MAPK10: variants seen among roughly 807,000 people sequenced by gnomAD.
MAPK10 encodes the protein JNK3 alpha protein kinase.
A neutral mutation model predicts 59.3 loss-of-function variants in MAPK10; 25 were observed. The observed-to-expected ratio is 0.42, with a 90% confidence interval of 0.31 to 0.59. The LOEUF (loss-of-function observed/expected upper bound fraction) is 0.59, where lower values mean the gene tolerates loss of function less well. Ranked by LOEUF, MAPK10 falls within the 20% of genes least tolerant of loss-of-function variation. The pLI, the probability that MAPK10 is intolerant of heterozygous loss-of-function variation, is 0.15. For missense variants in MAPK10, 351 were observed against 568.9 expected, an observed-to-expected ratio of 0.62 and a Z score of 3.90; for synonymous variants, 190 against 200.5, an observed-to-expected ratio of 0.95 and a Z score of 0.44.
intron 1 of MAPK10, among the ~76,000 whole-genome samples, chr4:86,519,732 A>C (rs779659230): frequency 1.3e-5 from 2 of 152,104 alleles, no homozygotes; most frequent in African/African-American, 2.4e-5. Flanking sequence ...TGCTTTAAAG[A>C]AGTTCCATTT....
chr4:86,132,414 T>A (rs1437262669), intron 4 of MAPK10, among the ~76,000 whole-genome samples: 2 of 152,224 alleles, frequency 1.3e-5, no homozygotes, highest in East Asian at 3.8e-4. Flanking sequence ...TAACAGGTCA[T>A]GTGCCTTTGA....
At chr4:86,058,905 C>T (rs757938673) in intron 11 of MAPK10, among the ~76,000 whole-genome samples, 22 of 152,094 alleles carry the variant, frequency 1.4e-4, no homozygotes, top group Non-Finnish European at 3.1e-4. Flanking sequence ...CTTCTGATCC[C>T]ATCTAGCTCT....
chr4:86,533,433 A>C (rs1757987108), intron 1 of MAPK10, among the ~76,000 whole-genome samples: 1 of 152,226 alleles, frequency 6.6e-6, no homozygotes, highest in Non-Finnish European at 1.5e-5. Flanking sequence ...TAATAAAATA[A>C]AGAAATAAAA....
At chr4:86,293,945 T>C (rs578016625) in intron 2 of MAPK10, among the ~76,000 whole-genome samples, 1 of 152,112 alleles carries the variant, frequency 6.6e-6, no homozygotes, top group East Asian at 1.9e-4. Context: ...GAGACAAATA[T>C]CCAAACTACA....
intron 6 of MAPK10, 162 bp downstream of exon 6, chr4:86,103,024 C>T (rs753737138): frequency 3.7e-6 from 2 of 547,894 alleles, no homozygotes; most frequent in Admixed American, 5.9e-5. Flanking sequence ...GGACCCCTTT[C>T]ATTTGACCCC....
At chr4:86,169,255 C>G (rs1389529543) in intron 3 of MAPK10, among the ~76,000 whole-genome samples, 6 of 152,094 alleles carry the variant, frequency 3.9e-5, no homozygotes, top group Admixed American at 3.9e-4. Context: ...TACAGACGAT[C>G]AAACTACTCC....
chr4:86,526,182 T>C (rs1374028213), intron 1 of MAPK10, among the ~76,000 whole-genome samples: 1 of 152,216 alleles, frequency 6.6e-6, no homozygotes, highest in Non-Finnish European at 1.5e-5. Context: ...ATTTCGGCTG[T>C]AAATCCATCT....
At chr4:86,319,837 T>C (rs2095856066) in intron 2 of MAPK10, among the ~76,000 whole-genome samples, 2 of 152,202 alleles carry the variant, frequency 1.3e-5, no homozygotes, top group African/African-American at 4.8e-5. Context: ...GATACCTGAT[T>C]TGCCTTCAGG....
Position 86,165,543 on chromosome 4 carries a change from A to ATTT in MAPK10, c.67-6079_67-6077dup, listed in dbSNP as rs10525325. 5.6e-4 allele frequency among the ~76,000 whole-genome samples: 32 copies of ATTT among 57,296 alleles called. 5 individuals carry two copies. Among genetic ancestry groups the ATTT allele is most frequent in the Middle Eastern group, 0.014 (1 of 72 alleles). 37.6% of individuals were successfully genotyped at this position (57,296 alleles called of 152,430 possible). Reference sequence around the variant, plus strand: ...AGGCACATGCCACCACTCCCAGATAATTTTTTTTTTTTTTTTTTTTTTTTT... The same window carrying ATTT: ...AGGCACATGCCACCACTCCCAGATAATTTTTTTTTTTTTTTTTTTTTTTTTTTT... On this transcript the variant is annotated intron_variant, in intron 3 of 13. Transcript: ENST00000641462.
At chr4:86,159,688 A>T (rs1288269044) in intron 3 of MAPK10, among the ~76,000 whole-genome samples, 1 of 152,058 alleles carries the variant, frequency 6.6e-6, no homozygotes, top group Non-Finnish European at 1.5e-5. Flanking sequence ...TTTCATCATT[A>T]AAACTATTTA....
chr4:86,132,559 T>C (rs751866259), intron 4 of MAPK10, among the ~76,000 whole-genome samples: 1 of 152,144 alleles, frequency 6.6e-6, no homozygotes, highest in Non-Finnish European at 1.5e-5. Flanking sequence ...CTTTAACTTA[T>C]AAATAATATA....
At position 86,284,716 on chromosome 4, in the gene MAPK10, G is replaced by A. The variant is rs563154406; in HGVS notation, c.-7+69814C>T. ...GATTGTTATCAGAATTATTGTTGCT[G>A]TTGTCATCACTGATTCTGTCTCGAC... is the stretch of plus-strand genomic sequence containing the variant. On this transcript the variant is annotated intron_variant, in intron 2 of 13. Coordinates refer to ENST00000641462, the MANE Select transcript of MAPK10 (RefSeq NM_138982.4). Among the ~76,000 whole-genome samples the A allele has an allele frequency of 1.1e-4, 17 of 152,330 alleles. No homozygotes were observed. In the South Asian group the frequency reaches 3.5e-3, roughly 32 times the overall value.
intron 2 of MAPK10, among the ~76,000 whole-genome samples, chr4:86,319,773 G>A (rs2095855048): frequency 6.6e-6 from 1 of 152,188 alleles, no homozygotes; most frequent in East Asian, 1.9e-4. Context: ...ATGAGGGATG[G>A]CAGCTAATGC....
intron 1 of MAPK10, among the ~76,000 whole-genome samples, chr4:86,497,708 G>A (rs1490935805): frequency 6.6e-6 from 1 of 152,108 alleles, no homozygotes; most frequent in South Asian, 2.1e-4. Flanking sequence ...CTGGTTTGTA[G>A]TTTGCCAAAA....
chr4:86,206,501 A>G lies in MAPK10; in HGVS notation c.-6-12094T>C, dbSNP rs186384977. ...TGCTTTTGTGAATAGTGCTGCAATAAACATACGTGTGCATGTGTCTTTATA... is the reference window on the plus strand; with the variant it reads ...TGCTTTTGTGAATAGTGCTGCAATAGACATACGTGTGCATGTGTCTTTATA... On this transcript the variant is annotated intron_variant, in intron 2 of 13. Transcript: ENST00000641462. 4.7e-4 allele frequency among the ~76,000 whole-genome samples: 72 copies of G among 152,200 alleles called. No individual in the cohort carries two copies. In the East Asian group the frequency reaches 0.012, roughly 25 times the overall value.
At chr4:86,420,427 C>G (rs1189732836) in intron 1 of MAPK10, among the ~76,000 whole-genome samples, 2 of 152,162 alleles carry the variant, frequency 1.3e-5, no homozygotes, top group Non-Finnish European at 2.9e-5. Context: ...CAGTATCTCA[C>G]AAGTCCAAGG....
At chr4:86,139,811 A>G (rs1225260115) in intron 4 of MAPK10, among the ~76,000 whole-genome samples, 1 of 151,060 alleles carries the variant, frequency 6.6e-6, no homozygotes, top group Non-Finnish European at 1.5e-5. Context: ...TCCAGAATCT[A>G]CAATGAACTC....
intron 2 of MAPK10, among the ~76,000 whole-genome samples, chr4:86,250,628 A>G (rs1345903540): frequency 6.6e-6 from 1 of 152,178 alleles, no homozygotes; most frequent in African/African-American, 2.4e-5. Flanking sequence ...GTCATCTAGC[A>G]TTCCCTGACT....
intron 1 of MAPK10, among the ~76,000 whole-genome samples, chr4:86,433,516 G>T: frequency 6.7e-6 from 1 of 149,386 alleles, no homozygotes; most frequent in East Asian, 1.9e-4. Flanking sequence ...TCCTATGTGT[G>T]GTCCAGGATC....
Sources: allele counts gnomAD v4.1 joint callset (sites outside exome capture counted in the v4.1 genomes callset), GRCh38; gene constraint gnomAD v4.1.1; transcripts MANE v1.5; gene names NCBI Gene and HGNC (gene_info 2026-07-23, HGNC 2026-07-21).